The following ASIC2 variants were observed in gnomAD, a reference collection of about 807,000 sequenced individuals.
The protein encoded by ASIC2 is acid-sensing ion channel 2.
A neutral mutation model predicts 57.3 loss-of-function variants in ASIC2; 25 were observed. The observed-to-expected ratio is 0.44, with a 90% confidence interval of 0.32 to 0.61. ASIC2 has a LOEUF of 0.61. ASIC2 is among the 20% of genes least tolerant of loss of function. ASIC2 has a pLI of 0.06. For synonymous variants in ASIC2, 319 were observed against 307.5 expected, an observed-to-expected ratio of 1.04 and a Z score of -0.39; for missense variants, 641 against 738.1, an observed-to-expected ratio of 0.87 and a Z score of 1.52.
chr17:33,246,437 C>T, intron 1 of ASIC2, among the ~76,000 whole-genome samples: 1 of 152,174 alleles, frequency 6.6e-6, no homozygotes, highest in Non-Finnish European at 1.5e-5. Flanking sequence ...CCTTCATCCC[C>T]TTCTTGTATT....
intron 1 of ASIC2, among the ~76,000 whole-genome samples, chr17:33,601,174 T>C (rs1022369243): frequency 2.6e-5 from 4 of 152,180 alleles, no homozygotes; most frequent in African/African-American, 7.2e-5. Context: ...TGAAAGAGTA[T>C]GTTTAGGAAA....
intron 1 of ASIC2, among the ~76,000 whole-genome samples, chr17:33,146,901 CAT>C (rs1224481791): frequency 3.3e-5 from 5 of 152,248 alleles, no homozygotes; most frequent in African/African-American, 1.2e-4. Context: ...GAAATCAGCT[CAT>C]AGCAAACCCA....
At chr17:33,544,031 G>A (rs1278805241) in intron 1 of ASIC2, among the ~76,000 whole-genome samples, 1 of 152,180 alleles carries the variant, frequency 6.6e-6, no homozygotes, top group African/African-American at 2.4e-5. Context: ...CAGTCAATCT[G>A]TTCCTTTCAA....
chr17:33,395,635 C>T (rs908235876), intron 1 of ASIC2, among the ~76,000 whole-genome samples: 3 of 152,160 alleles, frequency 2.0e-5, no homozygotes, highest in Admixed American at 6.5e-5. Flanking sequence ...CCTCATTCAC[C>T]CGTTTATTCA....
intron 1 of ASIC2, among the ~76,000 whole-genome samples, chr17:34,022,949 T>G (rs538970773): frequency 3.9e-5 from 6 of 152,268 alleles, no homozygotes; most frequent in African/African-American, 1.4e-4. Context: ...GATATCTGGT[T>G]GTTTAAAAGT....
intron 1 of ASIC2, among the ~76,000 whole-genome samples, chr17:34,017,424 A>C (rs1177207868): frequency 1.3e-5 from 2 of 151,954 alleles, no homozygotes; most frequent in Non-Finnish European, 2.9e-5. Flanking sequence ...TAGGCTAATT[A>C]AGAACCCTAC....
chr17:33,405,729 G>T (rs139189860), intron 1 of ASIC2, among the ~76,000 whole-genome samples: 2 of 151,976 alleles, frequency 1.3e-5, no homozygotes, highest in African/African-American at 4.8e-5. Flanking sequence ...TGATCCACCC[G>T]CCTTGGCCTC....
intron 1 of ASIC2, among the ~76,000 whole-genome samples, chr17:34,000,250 A>ATTT (rs199804905): frequency 0.089 from 10,621 of 118,994 alleles, 812 homozygotes; most frequent in East Asian, 0.21. Context: ...GTGGAGATCT[A>ATTT]TTTTTTTTTT....
chr17:33,182,589 C>G (rs905865214), intron 1 of ASIC2, among the ~76,000 whole-genome samples: 1 of 152,150 alleles, frequency 6.6e-6, no homozygotes, highest in Non-Finnish European at 1.5e-5. Flanking sequence ...GTACCTTGCT[C>G]TCTTCCCTGC....
intron 3 of ASIC2, among the ~76,000 whole-genome samples, chr17:33,039,084 A>G (rs1307754266): frequency 6.6e-6 from 1 of 152,212 alleles, no homozygotes; most frequent in East Asian, 1.9e-4. Flanking sequence ...TGGGCAGGAA[A>G]GCATATATGA....
intron 1 of ASIC2, among the ~76,000 whole-genome samples, chr17:33,120,102 C>T (rs1055677957): frequency 2.0e-5 from 3 of 152,178 alleles, no homozygotes; most frequent in African/African-American, 7.2e-5. Flanking sequence ...AGTAGTTTGC[C>T]TGATTTTTCC....
intron 1 of ASIC2, among the ~76,000 whole-genome samples, chr17:33,126,402 T>G (rs572227475): frequency 6.6e-6 from 1 of 152,318 alleles, no homozygotes; most frequent in Non-Finnish European, 1.5e-5. Flanking sequence ...TCTCTGTGAC[T>G]CTACTTTTTC....
chr17:33,066,591 A>G (rs1598260773), intron 3 of ASIC2, among the ~76,000 whole-genome samples: 1 of 152,166 alleles, frequency 6.6e-6, no homozygotes, highest in Non-Finnish European at 1.5e-5. Context: ...CTCCCTTTCC[A>G]TCAGATCCAG....
At chr17:34,006,117 G>A (rs1176044407) in intron 1 of ASIC2, 3 of 152,282 alleles carry the variant, frequency 2.0e-5, no homozygotes, top group African/African-American at 7.2e-5. Context: ...GAAGGATGCA[G>A]TTGGTGCCCT....
At chr17:33,108,989 C>T (rs1482893043) in intron 2 of ASIC2, among the ~76,000 whole-genome samples, 2 of 152,134 alleles carry the variant, frequency 1.3e-5, no homozygotes, top group Non-Finnish European at 2.9e-5. Flanking sequence ...AGCCACTAGC[C>T]CCCTGCAGCT....
intron 1 of ASIC2, among the ~76,000 whole-genome samples, chr17:33,755,814 A>C (rs1910586997): frequency 6.6e-6 from 1 of 152,224 alleles, no homozygotes; most frequent in Non-Finnish European, 1.5e-5. Context: ...TGGGTGAAGA[A>C]GGCATCAGAG....
At chr17:33,835,394 A>G (rs1366988292) in intron 1 of ASIC2, among the ~76,000 whole-genome samples, 5 of 152,196 alleles carry the variant, frequency 3.3e-5, no homozygotes, top group South Asian at 2.1e-4. Flanking sequence ...TGATTTGTCT[A>G]TAAGTTGCTC....
In ASIC2 at chr17:33,025,910, T is replaced by C; in HGVS notation, c.1195+16A>G. 1 of 1,596,428 alleles carries C rather than the reference T, an allele frequency of 6.3e-7. No homozygotes were observed. The highest frequency in any genetic ancestry group is 2.3e-5 in the East Asian group (1 of 43,714). On this transcript the variant is annotated intron_variant, in intron 5 of 9. Coordinates refer to ENST00000225823, the MANE Select transcript of ASIC2 (RefSeq NM_183377.2). ...CCCCCGGCCCCCATGATTCCATCTG[T>C]CCCCTGAGTACTGACCTAGGGCAGG...
intron 1 of ASIC2, among the ~76,000 whole-genome samples, chr17:34,026,926 T>C (rs926040181): frequency 5.9e-5 from 9 of 152,230 alleles, no homozygotes; most frequent in African/African-American, 1.9e-4. Context: ...TTTCTTTCTA[T>C]TGATTTTTTC....
Sources: allele counts gnomAD v4.1 joint callset (sites outside exome capture counted in the v4.1 genomes callset), GRCh38; gene constraint gnomAD v4.1.1; transcripts MANE v1.5; gene names NCBI Gene and HGNC (gene_info 2026-07-23, HGNC 2026-07-21).